Variants in PLXND1 observed in about 807,000 individuals in gnomAD.
PLXND1 encodes plexin D1.
In PLXND1, 54 loss-of-function variants were observed where a neutral mutation model predicts 197.7. That is an observed-to-expected ratio of 0.27 (90% CI 0.22 to 0.34). The LOEUF (loss-of-function observed/expected upper bound fraction) is 0.34, where lower values mean the gene tolerates loss of function less well. Ranked by LOEUF, PLXND1 falls within the 10% of genes least tolerant of loss-of-function variation. PLXND1 has a pLI of 1.00. For synonymous variants in PLXND1, 1,180 were observed against 1,161.2 expected, an observed-to-expected ratio of 1.02 and a Z score of -0.33; for missense variants, 2,127 against 2,699.2, an observed-to-expected ratio of 0.79 and a Z score of 4.70.
At chr3:129,559,346 AGGGGTGCGG>A in intron 32 of PLXND1, 4 of 356,320 alleles carry the variant, frequency 1.1e-5, no homozygotes, top group South Asian at 7.7e-5. Flanking sequence ...CCCACCTGAG[AGGGGTGCGG>A]GAGAATGATA....
In PLXND1 at chr3:129,574,470, T is replaced by C. The variant is rs774016515; in HGVS notation, c.2551A>G (p.Met851Val). The part of the protein sequence containing the change: ...PMTVMVYNCA[M>V]GSPDCSQCLG... ...CACTGGGAACAGTCGGGGCTGCCCA[T>C]GGCACAGTTATAGACCATGACTGGG... The change falls in exon 12 of 36, where the codon ATG becomes GTG. Residue 851 changes from methionine (M) to valine (V), a missense_variant. Physicochemically the swap from Met to Val is conservative, Grantham distance 21. Around this residue, in one of 6 missense-constraint regions of PLXND1, gnomAD observed 1,095 missense variants for 1,259.8 expected, o/e 0.87. Transcript: ENST00000324093. 37 of 1,612,940 alleles carry C rather than the reference T, an allele frequency of 2.3e-5. 1 individual carries two copies. The highest frequency in any genetic ancestry group is 3.3e-4 in the Middle Eastern group (2 of 6,084).
intron 1 of PLXND1, among the ~76,000 whole-genome samples, chr3:129,594,259 T>A (rs1181644976): frequency 1.3e-5 from 2 of 152,208 alleles, no homozygotes; most frequent in Non-Finnish European, 2.9e-5. Context: ...AAAGTCAGGT[T>A]TCCTTGCCAC....
rs1578301875 is a variant in PLXND1 at position 129,558,725 on chromosome 3, C to G, written c.5298-150G>C. ...GTGACCTTTGGGAACCTTAGTTTGC[C>G]TATCCCTGGCCAGCTGGGGTGCAGT... On this transcript the variant is annotated intron_variant, in intron 32 of 35. Transcript: ENST00000324093. This position sits in a 1 kb window ranked among gnomAD's most constrained non-coding sequence, Gnocchi z 4.1. 4 of 733,562 alleles carry G rather than the reference C, an allele frequency of 5.5e-6. No individual in the cohort carries two copies. The highest frequency in any genetic ancestry group is 2.7e-5 in the East Asian group (1 of 36,762). 45.4% of individuals were successfully genotyped at this position (733,562 alleles called of 1,614,324 possible).
At chr3:129,565,042 G>C (rs768929474) in intron 25 of PLXND1, among the ~76,000 whole-genome samples, 1 of 152,246 alleles carries the variant, frequency 6.6e-6, no homozygotes, top group Non-Finnish European at 1.5e-5. Flanking sequence ...CCTGAATCCA[G>C]AGCAGGGAAG....
At position 129,556,236 on chromosome 3, in the gene PLXND1, CG is replaced by C. The variant is rs1578297568; in HGVS notation, c.*75del. On this transcript the variant is annotated 3_prime_UTR_variant, in exon 36 of 36. Coordinates refer to ENST00000324093, the MANE Select transcript of PLXND1 (RefSeq NM_015103.3). The stretch of plus-strand genomic sequence containing the variant: ...TATTTCCCAGTCTGAGTCACAGGCA[CG>C]GGGTAGAAGATCAAGTTGAGGCCCA... 2.1e-6 allele frequency: 2 copies of C among 973,392 alleles called. No individual in the cohort carries two copies. Among genetic ancestry groups the C allele is most frequent in the East Asian group, 4.8e-5 (2 of 41,638 alleles). The allele number at this position is 973,392 out of a possible 1,614,324, so 60.3% of individuals were successfully genotyped here.
At chr3:129,579,589 C>G (rs547498012) in intron 8 of PLXND1, among the ~76,000 whole-genome samples, 3 of 152,214 alleles carry the variant, frequency 2.0e-5, no homozygotes, top group African/African-American at 4.8e-5. Context: ...GCTCCCGAAT[C>G]TGACCTGCTG....
Position 129,572,634 on chromosome 3 carries a change from C to A in PLXND1, c.3052G>T (p.Asp1018Tyr), listed in dbSNP as rs371974138. Residue 1018 changes from aspartate (D) to tyrosine (Y), a missense_variant, in exon 15 of 36, where the codon GAC (aspartate) becomes TAC (tyrosine). Physicochemically the swap from Asp to Tyr is radical, Grantham distance 160 (BLOSUM62 -3). Around this residue, in one of 6 missense-constraint regions of PLXND1, gnomAD observed 1,095 missense variants for 1,259.8 expected, o/e 0.87. Coordinates refer to ENST00000324093, the MANE Select transcript of PLXND1 (RefSeq NM_015103.3). The part of the protein sequence containing the change: ...VGSELQVLVN[D>Y]TDPCTELMRT... ...ATCAGCTCCGTGCAGGGGTCTGTGT[C>A]GTTCACCAGGACCTGGAGCTCGGAG... 1.3e-6 allele frequency: 2 copies of A among 1,589,458 alleles called. No homozygotes were observed. Among genetic ancestry groups the A allele is most frequent in the Non-Finnish European group, 8.6e-7 (1 of 1,167,902 alleles).
rs377455226 is a variant in PLXND1 at position 129,563,236 on chromosome 3, G to A, written c.4526C>T (p.Thr1509Met). The change falls in exon 26 of 36, where the codon ACG becomes ATG. Residue 1509 changes from threonine (T) to methionine (M), a missense_variant. By Grantham distance (81) the Thr-to-Met change is moderately conservative. Around this residue, in one of 6 missense-constraint regions of PLXND1, gnomAD observed 532 missense variants for 811.0 expected, o/e 0.66. Coordinates refer to ENST00000324093, the MANE Select transcript of PLXND1 (RefSeq NM_015103.3). ...SICMYSCLRE[T>M]VGEPFFLLLC... ...CAGCAGGAAGAATGGCTCCCCCACC[G>A]TCTCCTGAGGGGCACGGGGGTATCA... 23 of 1,609,502 alleles carry A rather than the reference G, an allele frequency of 1.4e-5. No individual in the cohort carries two copies. Among genetic ancestry groups the A allele is most frequent in the African/African-American group, 1.1e-4 (8 of 74,822 alleles).
At chr3:129,574,249 G>T in intron 12 of PLXND1, 87 bp downstream of exon 12, 1 of 1,289,342 alleles carries the variant, frequency 7.8e-7, no homozygotes, top group Admixed American at 2.6e-5. Flanking sequence ...GTGCCGTTTG[G>T]GTCCCCAAGA....
At chr3:129,579,223 T>A (rs901222009) in intron 8 of PLXND1, among the ~76,000 whole-genome samples, 4 of 151,846 alleles carry the variant, frequency 2.6e-5, no homozygotes, top group African/African-American at 9.7e-5. Flanking sequence ...GAGGGGAGAT[T>A]GAGCCTCCAA....
Position 129,574,503 on chromosome 3 carries a change from G to A in PLXND1, c.2531-13C>T, listed in dbSNP as rs751869577. Reference sequence around the variant, plus strand: ...TTATAGACCATGACTGGGGAGACACGGGGCAGCTCGGTCAGCCCCGCTCTG... The same window carrying A: ...TTATAGACCATGACTGGGGAGACACAGGGCAGCTCGGTCAGCCCCGCTCTG... On this transcript the variant is annotated splice_polypyrimidine_tract_variant and intron_variant, in intron 11 of 35. Transcript: ENST00000324093. 6.2e-6 allele frequency: 10 copies of A among 1,609,844 alleles called. No homozygotes were observed. The highest frequency in any genetic ancestry group is 3.3e-5 in the South Asian group (3 of 90,812).
chr3:129,606,350 G>C lies in PLXND1; in HGVS notation c.290C>G (p.Pro97Arg). 6.8e-7 allele frequency: 1 copy of C among 1,473,222 alleles called. No individual in the cohort carries two copies. The highest frequency in any genetic ancestry group is 8.9e-7 in the Non-Finnish European group (1 of 1,120,840). The allele number at this position is 1,473,222 out of a possible 1,614,324, so 91.3% of individuals were successfully genotyped here. The change falls in exon 1 of 36, where the codon CCG becomes CGG. Residue 97 changes from proline (P) to arginine (R), a missense_variant. Physicochemically the swap from Pro to Arg is moderately radical, Grantham distance 103. Coordinates refer to ENST00000324093, the MANE Select transcript of PLXND1 (RefSeq NM_015103.3). ...GTGACACAGCGGGCTGTCGGGCACC[G>C]GGCCCACGGCCGCCTCGGCCTCCAG... ...LSLEAEAAVG[P>R]VPDSPLCHAP...
chr3:129,570,099 G>A (rs1473349961), intron 19 of PLXND1, 142 bp from the exon 20 acceptor site: 4 of 640,416 alleles, frequency 6.2e-6, no homozygotes, highest in Non-Finnish European at 1.1e-5. Flanking sequence ...AGATAACAAT[G>A]TCCACCTCCT....
Position 129,574,423 on chromosome 3 carries a change from A to T in PLXND1, c.2598T>A (p.Gly866=). The change falls in exon 12 of 36, where the codon GGT becomes GGA. Residue 866 remains glycine (G), a synonymous_variant. Coordinates refer to ENST00000324093, the MANE Select transcript of PLXND1 (RefSeq NM_015103.3). The part of the protein sequence containing the change: ...CSQCLGREDL[G]HLCMWSDGCR... ...AGCCATCACTCCACATGCACAGGTG[A>T]CCCAGGTCTTCGCGGCCCAGGCACT... The T allele has an allele frequency of 6.2e-7, 1 of 1,613,038 alleles. No individual in the cohort carries two copies. Among genetic ancestry groups the T allele is most frequent in the South Asian group, 1.1e-5 (1 of 91,080 alleles).
chr3:129,560,683 A>G lies in PLXND1; in HGVS notation c.5028+6T>C. ...GGATCCCCCGGGGCCGAGGTTGGGC[A>G]CTCACCAAATGGAAATACTTCTCTG... On this transcript the variant is annotated splice_donor_region_variant and intron_variant, in intron 30 of 35. Coordinates refer to ENST00000324093, the MANE Select transcript of PLXND1 (RefSeq NM_015103.3). 6.2e-7 allele frequency: 1 copy of G among 1,602,276 alleles called. No individual in the cohort carries two copies. The highest frequency in any genetic ancestry group is 8.6e-7 in the Non-Finnish European group (1 of 1,169,264).
At chr3:129,566,139 G>A (rs557780558) in intron 23 of PLXND1, 122 bp from the exon 24 acceptor site, 33 of 949,466 alleles carry the variant, frequency 3.5e-5, no homozygotes, top group African/African-American at 9.8e-5. Context: ...TACCTTCCAC[G>A]GTGGATGCCT....
At chr3:129,566,107 C>A in intron 23 of PLXND1, 90 bp from the exon 24 acceptor site, 1 of 1,408,628 alleles carries the variant, frequency 7.1e-7, no homozygotes, top group East Asian at 2.3e-5. Context: ...TGCTTGTATG[C>A]CTCCTGGGAT....
In PLXND1 at chr3:129,558,466, T is replaced by A; in HGVS notation, c.5407A>T (p.Ile1803Phe). The A allele has an allele frequency of 6.2e-7, 1 of 1,613,950 alleles. No individual in the cohort carries two copies. The highest frequency in any genetic ancestry group is 8.5e-7 in the Non-Finnish European group (1 of 1,180,004). ...AGGTCAGAGATGGAGCAGGCGTCGA[T>A]GAAGGCCTGCGCGATGACTGAAAGG... is the stretch of plus-strand genomic sequence containing the variant. ...ACLSVIAQAF[I>F]DACSISDLQL... The change falls in exon 33 of 36, where the codon ATC (isoleucine) becomes TTC (phenylalanine). Residue 1803 changes from isoleucine to phenylalanine, a missense_variant. Physicochemically the swap from Ile to Phe is conservative, Grantham distance 21. Transcript: ENST00000324093. This position sits in a 1 kb window ranked among gnomAD's most constrained non-coding sequence, Gnocchi z 4.1.
chr3:129,564,978 G>A (rs932457605), intron 25 of PLXND1, among the ~76,000 whole-genome samples: 5 of 152,224 alleles, frequency 3.3e-5, no homozygotes, highest in East Asian at 3.8e-4. Flanking sequence ...TCCACGTCTC[G>A]CCTAGCCTAG....
Sources: gnomAD v4.1 joint callset for allele counts (sites outside exome capture counted in the v4.1 genomes callset) on GRCh38, gnomAD v4.1.1 for gene constraint, gnomAD v4.1.1 regional missense constraint, Gnocchi (gnomAD v3.1) non-coding constraint, MANE v1.5 for transcripts, NCBI Gene and HGNC (gene_info 2026-07-23, HGNC 2026-07-21) for gene names.